Variants in NR2F1-AS1 observed in about 807,000 individuals in gnomAD.
The protein encoded by NR2F1-AS1 is NR2F1 antisense RNA 1.
chr5:93,562,217 A>G (rs539637624), intron 2 of NR2F1-AS1, among the ~76,000 whole-genome samples: 1 of 151,588 alleles, frequency 6.6e-6, no homozygotes, highest in Non-Finnish European at 1.5e-5. Flanking sequence ...AAAGAAAAGA[A>G]AAGAAAATAA....
At chr5:93,584,307 G>T (rs1188426856), upstream of NR2F1-AS1, 7 of 149,452 alleles carry the variant, frequency 4.7e-5, no homozygotes, top group South Asian at 3.6e-4. Context: ...CTGCAGCCGC[G>T]ACCTCCTCCT....
At chr5:93,432,659 C>T (rs1200647879) in intron 4 of NR2F1-AS1, among the ~76,000 whole-genome samples, 1 of 152,136 alleles carries the variant, frequency 6.6e-6, no homozygotes, top group African/African-American at 2.4e-5. Context: ...CCTATTTCTC[C>T]ATTCCAACTA....
At chr5:93,492,891 T>C (rs1580273937) in intron 4 of NR2F1-AS1, among the ~76,000 whole-genome samples, 1 of 151,450 alleles carries the variant, frequency 6.6e-6, no homozygotes, top group Non-Finnish European at 1.5e-5. Flanking sequence ...AGAATTTCTT[T>C]AATACGATAA....
intron 4 of NR2F1-AS1, chr5:93,544,155 AAAGAT>A (rs1264250733): frequency 3.3e-4 from 51 of 152,314 alleles, no homozygotes; most frequent in African/African-American, 1.2e-3. Flanking sequence ...ATTTAAAACT[AAAGAT>A]AAGTGGGAAC....
At chr5:93,576,928 A>C (rs1014155975) in intron 1 of NR2F1-AS1, among the ~76,000 whole-genome samples, 2 of 152,244 alleles carry the variant, frequency 1.3e-5, no homozygotes, top group African/African-American at 4.8e-5. Flanking sequence ...TCTTCACTCA[A>C]GCTGGGTATT....
intron 4 of NR2F1-AS1, among the ~76,000 whole-genome samples, chr5:93,451,756 T>G (rs1275300393): frequency 1.3e-5 from 2 of 152,156 alleles, no homozygotes; most frequent in African/African-American, 4.8e-5. Context: ...TGAGCACATT[T>G]CATCTCTCCT....
chr5:93,446,119 C>T (rs1216947941), intron 4 of NR2F1-AS1, among the ~76,000 whole-genome samples: 2 of 152,152 alleles, frequency 1.3e-5, no homozygotes, highest in African/African-American at 4.8e-5. Context: ...AAACTGGAAG[C>T]ATTCCCTTGG....
chr5:93,533,636 G>A (rs1751777763), intron 4 of NR2F1-AS1, among the ~76,000 whole-genome samples: 1 of 151,994 alleles, frequency 6.6e-6, no homozygotes, highest in African/African-American at 2.4e-5. Flanking sequence ...AACATTTATT[G>A]AATGTACTGG....
chr5:93,548,501 C>A (rs376091388), intron 4 of NR2F1-AS1, among the ~76,000 whole-genome samples: 1 of 152,202 alleles, frequency 6.6e-6, no homozygotes, highest in East Asian at 1.9e-4. Flanking sequence ...TTTTACAGCT[C>A]CAGTTCAGTT....
intron 4 of NR2F1-AS1, among the ~76,000 whole-genome samples, chr5:93,440,081 C>T (rs1749530037): frequency 6.6e-6 from 1 of 152,088 alleles, no homozygotes; most frequent in Non-Finnish European, 1.5e-5. Context: ...AAGGGAATTA[C>T]AATCTTTTTA....
At chr5:93,470,155 T>C (rs1158339130) in intron 4 of NR2F1-AS1, among the ~76,000 whole-genome samples, 1 of 151,978 alleles carries the variant, frequency 6.6e-6, no homozygotes, top group Non-Finnish European at 1.5e-5. Flanking sequence ...AACTTGATGT[T>C]AATGAAATAT....
intron 4 of NR2F1-AS1, among the ~76,000 whole-genome samples, chr5:93,500,963 T>C (rs954922413): frequency 6.6e-6 from 1 of 152,194 alleles, no homozygotes; most frequent in African/African-American, 2.4e-5. Context: ...ATACCTGTCA[T>C]AGATAGCGAT....
intron 4 of NR2F1-AS1, among the ~76,000 whole-genome samples, chr5:93,428,436 C>T (rs1749240352): frequency 6.6e-6 from 1 of 152,150 alleles, no homozygotes; most frequent in Non-Finnish European, 1.5e-5. Flanking sequence ...ATTACAGTGC[C>T]AAATCAAAAC....
At chr5:93,414,731 G>A (rs1748933118) in intron 4 of NR2F1-AS1, among the ~76,000 whole-genome samples, 1 of 152,178 alleles carries the variant, frequency 6.6e-6, no homozygotes, top group Admixed American at 6.6e-5. Flanking sequence ...CTTGCCTTGA[G>A]TTGGAAGCAG....
chr5:93,574,240 G>C (rs1360887412), intron 1 of NR2F1-AS1, among the ~76,000 whole-genome samples: 1 of 152,212 alleles, frequency 6.6e-6, no homozygotes, highest in Non-Finnish European at 1.5e-5. Context: ...GGGCTGGGAT[G>C]GCCCCCGGGG....
At chr5:93,445,597 T>C (rs1201276924) in intron 4 of NR2F1-AS1, among the ~76,000 whole-genome samples, 2 of 151,992 alleles carry the variant, frequency 1.3e-5, no homozygotes, top group African/African-American at 2.4e-5. Context: ...CCAGACAGAT[T>C]CACAGCCGAA....
At chr5:93,548,381 A>G (rs1470381769) in intron 4 of NR2F1-AS1, among the ~76,000 whole-genome samples, 1 of 152,158 alleles carries the variant, frequency 6.6e-6, no homozygotes, top group Non-Finnish European at 1.5e-5. Flanking sequence ...ATTTTACCAT[A>G]TATCGTTTAC....
chr5:93,571,823 C>T (rs1009641012), intron 1 of NR2F1-AS1, among the ~76,000 whole-genome samples: 1 of 151,932 alleles, frequency 6.6e-6, no homozygotes. Context: ...CAGCTCACAT[C>T]TGGAGGGGGT....
chr5:93,489,910 T>C (rs939292735), intron 4 of NR2F1-AS1, among the ~76,000 whole-genome samples: 7 of 152,216 alleles, frequency 4.6e-5, no homozygotes, highest in African/African-American at 1.7e-4. Flanking sequence ...CGTGATTTTA[T>C]GTTCCTGCAA....
Sources: gnomAD v4.1 joint callset for allele counts (sites outside exome capture counted in the v4.1 genomes callset) on GRCh38, gnomAD v4.1.1 for gene constraint, MANE v1.5 for transcripts, NCBI Gene and HGNC (gene_info 2026-07-23, HGNC 2026-07-21) for gene names.